The following TENM3 variants were observed in gnomAD, a reference collection of about 807,000 sequenced individuals.
TENM3 encodes the protein teneurin transmembrane protein 3.
TENM3 carries 63 observed loss-of-function variants against 255.1 expected under a neutral mutation model. That is an observed-to-expected ratio of 0.25 (90% CI 0.20 to 0.30). The LOEUF (loss-of-function observed/expected upper bound fraction) is 0.30, where lower values mean the gene tolerates loss of function less well. Ranked by LOEUF, TENM3 falls within the 10% of genes least tolerant of loss-of-function variation. The probability of loss-of-function intolerance (pLI) is 1.00; values close to 1 mark genes in which losing one functional copy is unlikely to be tolerated. For missense variants in TENM3, 2,929 were observed against 3,461.1 expected, an observed-to-expected ratio of 0.85 and a Z score of 3.86; for synonymous variants, 1,306 against 1,322.3, an observed-to-expected ratio of 0.99 and a Z score of 0.27.
chr4:181,575,547 G>T, the TENM3 span, among the ~76,000 whole-genome samples: 1 of 152,090 alleles, frequency 6.6e-6, no homozygotes, highest in East Asian at 1.9e-4. Context: ...GCATCTTCTG[G>T]ATCCTTCTCA....
the TENM3 span, among the ~76,000 whole-genome samples, chr4:181,653,920 G>C: frequency 2.6e-5 from 4 of 151,510 alleles, no homozygotes; most frequent in African/African-American, 9.7e-5. Context: ...GTGTCCATGC[G>C]TTCTCACAGT....
the TENM3 span, among the ~76,000 whole-genome samples, chr4:181,605,452 AAGAG>A: frequency 0.017 from 1,718 of 100,500 alleles, 153 homozygotes; most frequent in South Asian, 0.052. Flanking sequence ...AAAAGAAAGA[AAGAG>A]AGAGAGAGAG....
chr4:182,119,146 T>TC, the TENM3 span, among the ~76,000 whole-genome samples: 1 of 151,880 alleles, frequency 6.6e-6, no homozygotes, highest in African/African-American at 2.4e-5. Context: ...AGTATTTCCC[T>TC]CCCCCCAGGT....
chr4:181,531,256 G>A, the TENM3 span, among the ~76,000 whole-genome samples: 124 of 152,266 alleles, frequency 8.1e-4, no homozygotes, highest in Non-Finnish European at 1.4e-3. Flanking sequence ...AGAAACTCAC[G>A]ATGATCATCT....
the TENM3 span, among the ~76,000 whole-genome samples, chr4:181,814,226 C>T: frequency 0.026 from 3,969 of 151,796 alleles, 146 homozygotes; most frequent in African/African-American, 0.084. Context: ...TCAACAAGGG[C>T]GATACTAATG....
intron 1 of TENM3, among the ~76,000 whole-genome samples, chr4:182,192,691 A>C (rs139476462): frequency 1.3e-5 from 2 of 152,294 alleles, no homozygotes; most frequent in East Asian, 3.9e-4. Flanking sequence ...TTTATGCATT[A>C]GTTTTGATTA....
At chr4:181,511,604 A>G in the TENM3 span, among the ~76,000 whole-genome samples, 4 of 152,154 alleles carry the variant, frequency 2.6e-5, no homozygotes, top group Non-Finnish European at 4.4e-5. Flanking sequence ...TTTGACTCTG[A>G]CTTCAAGAAT....
At chr4:181,870,233 T>C in the TENM3 span, among the ~76,000 whole-genome samples, 1 of 152,198 alleles carries the variant, frequency 6.6e-6, no homozygotes, top group Non-Finnish European at 1.5e-5. Flanking sequence ...ATTCTCCTCC[T>C]GTATATTTGG....
intron 3 of TENM3, among the ~76,000 whole-genome samples, chr4:182,500,698 A>G (rs1736228396): frequency 6.6e-6 from 1 of 152,160 alleles, no homozygotes; most frequent in Non-Finnish European, 1.5e-5. Context: ...AGAAATGCAT[A>G]CATGCAAACA....
At chr4:182,587,319 G>A (rs1746120375) in intron 3 of TENM3, among the ~76,000 whole-genome samples, 1 of 152,100 alleles carries the variant, frequency 6.6e-6, no homozygotes, top group South Asian at 2.1e-4. Flanking sequence ...TGTAATCCCA[G>A]CACTTTGGGA....
the TENM3 span, among the ~76,000 whole-genome samples, chr4:182,127,173 A>G: frequency 1.3e-5 from 2 of 152,212 alleles, no homozygotes; most frequent in Admixed American, 1.3e-4. Context: ...GCTGCCTTCT[A>G]CATATTTCTT....
intron 12 of TENM3, among the ~76,000 whole-genome samples, chr4:182,691,054 C>A (rs1289940785): frequency 6.6e-6 from 1 of 152,334 alleles, no homozygotes; most frequent in East Asian, 1.9e-4. Flanking sequence ...CCAATTTTGG[C>A]ATACAAAGAT....
chr4:181,730,590 T>C, the TENM3 span, among the ~76,000 whole-genome samples: 2 of 152,114 alleles, frequency 1.3e-5, no homozygotes, highest in Non-Finnish European at 2.9e-5. Context: ...GTGGAGGAAG[T>C]GGGGGAAAAC....
chr4:181,789,252 ATTTTATTT>A, the TENM3 span, among the ~76,000 whole-genome samples: 18 of 139,166 alleles, frequency 1.3e-4, 1 homozygote, highest in African/African-American at 5.3e-4. Flanking sequence ...ATTTTATTTT[ATTTTATTT>A]ATTTTATTTT....
chr4:181,972,929 C>A, the TENM3 span, among the ~76,000 whole-genome samples: 1 of 151,486 alleles, frequency 6.6e-6, no homozygotes, highest in Non-Finnish European at 1.5e-5. Flanking sequence ...CTTGGTTTTG[C>A]CAAAAAAAAA....
At chr4:181,854,927 G>A in the TENM3 span, among the ~76,000 whole-genome samples, 26 of 152,224 alleles carry the variant, frequency 1.7e-4, no homozygotes, top group African/African-American at 5.5e-4. Flanking sequence ...TGGAATATTG[G>A]CAAGAATGGA....
chr4:181,481,777 A>G, the TENM3 span, among the ~76,000 whole-genome samples: 1 of 152,162 alleles, frequency 6.6e-6, no homozygotes, highest in Non-Finnish European at 1.5e-5. Context: ...TTCATGTGCA[A>G]AAAAGGAGAG....
chr4:181,713,860 C>A, the TENM3 span, among the ~76,000 whole-genome samples: 2 of 152,124 alleles, frequency 1.3e-5, no homozygotes, highest in South Asian at 4.1e-4. Context: ...TAAATGCTTA[C>A]GGTGATCAAG....
the TENM3 span, among the ~76,000 whole-genome samples, chr4:181,651,973 G>A: frequency 6.6e-6 from 1 of 152,076 alleles, no homozygotes; most frequent in Non-Finnish European, 1.5e-5. Flanking sequence ...AAAGATATTA[G>A]CTTTCAATTT....
Sources: gnomAD v4.1 joint callset for allele counts (sites outside exome capture counted in the v4.1 genomes callset) on GRCh38, gnomAD v4.1.1 for gene constraint, MANE v1.5 for transcripts, NCBI Gene and HGNC (gene_info 2026-07-23, HGNC 2026-07-21) for gene names.